Variants in SKAP1 observed in about 807,000 individuals in gnomAD.
SKAP1 encodes src kinase associated phosphoprotein 1.
Under a neutral mutation model 58.5 loss-of-function variants are expected in SKAP1, and 44 were observed. That is an observed-to-expected ratio of 0.75 (90% CI 0.59 to 0.97). The LOEUF (loss-of-function observed/expected upper bound fraction) is 0.97. SKAP1 is among the 50% of genes least tolerant of loss of function. The pLI is 0.00. For synonymous variants in SKAP1, 127 were observed against 149.7 expected, an observed-to-expected ratio of 0.85 and a Z score of 1.11; for missense variants, 390 against 435.2, an observed-to-expected ratio of 0.90 and a Z score of 0.92.
intron 4 of SKAP1, among the ~76,000 whole-genome samples, chr17:48,209,301 T>C (rs993690459): frequency 6.6e-6 from 1 of 152,244 alleles, no homozygotes; most frequent in African/African-American, 2.4e-5. Context: ...TAGAGCACTG[T>C]CAAACCTCCT....
At chr17:48,344,486 G>C (rs1351282107) in intron 4 of SKAP1, among the ~76,000 whole-genome samples, 1 of 152,102 alleles carries the variant, frequency 6.6e-6, no homozygotes, top group Non-Finnish European at 1.5e-5. Flanking sequence ...GGGAAAGTTG[G>C]AAATACCAAA....
At chr17:48,148,101 T>G (rs975384885) in intron 11 of SKAP1, among the ~76,000 whole-genome samples, 3 of 152,036 alleles carry the variant, frequency 2.0e-5, no homozygotes, top group Non-Finnish European at 4.4e-5. Context: ...GCCTTAAAGG[T>G]GAAGCTTATG....
At chr17:48,177,576 G>A (rs905588094) in intron 9 of SKAP1, among the ~76,000 whole-genome samples, 4 of 151,942 alleles carry the variant, frequency 2.6e-5, no homozygotes, top group East Asian at 1.9e-4. Context: ...CTCATGTGCC[G>A]CTGCTTGGTA....
intron 11 of SKAP1, among the ~76,000 whole-genome samples, chr17:48,158,567 C>CAA (rs1171183021): frequency 0.19 from 11,650 of 61,372 alleles, 1,484 homozygotes; most frequent in Middle Eastern, 0.24. Flanking sequence ...GACTCTGTCT[C>CAA]AAAAAAAAAA....
At chr17:48,442,932 G>A in the SKAP1 span, among the ~76,000 whole-genome samples, 17 of 151,932 alleles carry the variant, frequency 1.1e-4, no homozygotes, top group African/African-American at 3.1e-4. Flanking sequence ...GTCTACCATC[G>A]CCACCACCAT....
chr17:48,271,362 CTTTTTTTTTTTTT>C (rs35447830), intron 4 of SKAP1, among the ~76,000 whole-genome samples: 2 of 106,278 alleles, frequency 1.9e-5, no homozygotes, highest in African/African-American at 6.9e-5. Context: ...TTCTTTGTTT[CTTTTTTTTTTTTT>C]TTTTTTTTTG....
intron 4 of SKAP1, among the ~76,000 whole-genome samples, chr17:48,221,075 T>C (rs897511223): frequency 3.3e-5 from 5 of 151,876 alleles, no homozygotes; most frequent in African/African-American, 1.2e-4. Flanking sequence ...CAGACCAGAC[T>C]GACAAATATG....
chr17:48,367,952 T>C (rs974464089), intron 2 of SKAP1, among the ~76,000 whole-genome samples: 1 of 151,892 alleles, frequency 6.6e-6, no homozygotes, highest in Admixed American at 6.6e-5. Flanking sequence ...ATAAAAATTA[T>C]ATGTAGAATT....
intron 4 of SKAP1, among the ~76,000 whole-genome samples, chr17:48,283,623 G>A (rs2065794764): frequency 6.6e-6 from 1 of 152,206 alleles, no homozygotes; most frequent in Non-Finnish European, 1.5e-5. Flanking sequence ...CAGGCAGGGG[G>A]CAGGATCTCA....
chr17:48,187,477 T>C (rs1227035906), intron 6 of SKAP1, among the ~76,000 whole-genome samples: 4 of 152,236 alleles, frequency 2.6e-5, no homozygotes, highest in East Asian at 1.9e-4. Flanking sequence ...TTTAAGTCTT[T>C]CTCAGAATTA....
At chr17:48,200,968 A>G in intron 4 of SKAP1, among the ~76,000 whole-genome samples, 1 of 152,226 alleles carries the variant, frequency 6.6e-6, no homozygotes, top group East Asian at 1.9e-4. Context: ...CTTGTGATCT[A>G]GGAATGCAAT....
intron 1 of SKAP1, among the ~76,000 whole-genome samples, chr17:48,412,604 T>C (rs1346716450): frequency 6.6e-6 from 1 of 152,200 alleles, no homozygotes; most frequent in African/African-American, 2.4e-5. Context: ...GTATATACTT[T>C]ATTCCTGTAG....
At chr17:48,426,490 G>T (rs1184968317) in intron 1 of SKAP1, among the ~76,000 whole-genome samples, 1 of 152,160 alleles carries the variant, frequency 6.6e-6, no homozygotes, top group Non-Finnish European at 1.5e-5. Flanking sequence ...CAAAAGCAGG[G>T]CTAGAAAGAC....
intron 4 of SKAP1, among the ~76,000 whole-genome samples, chr17:48,207,509 A>C (rs1007901964): frequency 8.6e-5 from 13 of 151,894 alleles, no homozygotes; most frequent in African/African-American, 3.1e-4. Context: ...AAAAGAAAAA[A>C]AATTTACATA....
At chr17:48,279,410 T>C (rs1380479973) in intron 4 of SKAP1, among the ~76,000 whole-genome samples, 1 of 152,198 alleles carries the variant, frequency 6.6e-6, no homozygotes, top group Non-Finnish European at 1.5e-5. Context: ...AGTGACTTTT[T>C]AGTTTGCTGA....
intron 4 of SKAP1, among the ~76,000 whole-genome samples, chr17:48,214,233 A>G (rs751422400): frequency 2.6e-4 from 40 of 152,322 alleles, no homozygotes; most frequent in Non-Finnish European, 5.0e-4. Flanking sequence ...AGCCTTCAAC[A>G]GAGGCAGAGA....
intron 4 of SKAP1, among the ~76,000 whole-genome samples, chr17:48,244,698 A>G (rs2065277090): frequency 6.6e-6 from 1 of 152,240 alleles, no homozygotes; most frequent in Admixed American, 6.5e-5. Flanking sequence ...CCTCAAAGAA[A>G]GGGTTTGGCC....
chr17:48,325,015 G>C (rs796685264), intron 4 of SKAP1, among the ~76,000 whole-genome samples: 1 of 151,582 alleles, frequency 6.6e-6, no homozygotes, highest in Admixed American at 6.6e-5. Flanking sequence ...TTGGGAGGCC[G>C]AGGCGGGCGG....
rs1430433081 is a variant in SKAP1 at position 48,323,938 on chromosome 17, G to A, written c.280+21967C>T. ...CTTTACAAACACATGCTGCTGTTTT[G>A]CTGTTTGCTCCTCACACATTCTCAT... On this transcript the variant is annotated intron_variant, in intron 4 of 12. Transcript: ENST00000336915. 2.0e-5 allele frequency among the ~76,000 whole-genome samples: 3 copies of A among 152,000 alleles called. No homozygotes were observed. The East Asian group carries it at 5.8e-4, about 29-fold the overall frequency.
Sources: gnomAD v4.1 joint callset for allele counts (sites outside exome capture counted in the v4.1 genomes callset) on GRCh38, gnomAD v4.1.1 for gene constraint, MANE v1.5 for transcripts, NCBI Gene and HGNC (gene_info 2026-07-23, HGNC 2026-07-21) for gene names.